The following COLGALT1 variants were observed in gnomAD, a reference collection of about 807,000 sequenced individuals.
COLGALT1 encodes the protein collagen beta(1-O)galactosyltransferase 1.
A neutral mutation model predicts 60.8 loss-of-function variants in COLGALT1; 43 were observed. The observed-to-expected ratio is 0.71, with a 90% CI of 0.55 to 0.91. The LOEUF (loss-of-function observed/expected upper bound fraction) is 0.91, where lower values mean the gene tolerates loss of function less well. Ranked by LOEUF, COLGALT1 falls within the 40% of genes least tolerant of loss-of-function variation. The pLI, the probability that COLGALT1 is intolerant of heterozygous loss-of-function variation, is 0.00. For missense variants in COLGALT1, 845 were observed against 880.0 expected (o/e 0.96, Z 0.50); for synonymous variants, 369 against 374.2 (o/e 0.99, Z 0.16).
At chr19:17,561,090 G>A (rs2076246493) in intron 3 of COLGALT1, among the ~76,000 whole-genome samples, 2 of 150,902 alleles carry the variant, frequency 1.3e-5, no homozygotes, top group East Asian at 2.0e-4. Flanking sequence ...CTGTAATCCC[G>A]GCTACCTGGG....
intron 1 of COLGALT1, chr19:17,556,422 G>A (rs776241311): frequency 1.9e-5 from 8 of 431,766 alleles, no homozygotes; most frequent in African/African-American, 4.3e-5. Flanking sequence ...AAGCCTTTCT[G>A]TGCCGGCTGC....
chr19:17,581,670 C>A lies in COLGALT1; in HGVS notation c.*226C>A. The A allele has an allele frequency of 6.6e-6, 4 of 607,090 alleles. No homozygotes were observed. Among genetic ancestry groups the A allele is most frequent in the Admixed American group, 3.0e-5 (1 of 33,122 alleles). The allele number at this position is 607,090 out of a possible 1,614,324, so 37.6% of individuals were successfully genotyped here. ...TTGGCCCTGGGGAATTGGGAGGAAC[C>A]AAGCCCTCTTCATCTGTTCATGTGC... On this transcript the variant is annotated 3_prime_UTR_variant, in exon 12 of 12. Coordinates refer to ENST00000252599, the MANE Select transcript of COLGALT1 (RefSeq NM_024656.4).
At chr19:17,578,136 C>A in intron 9 of COLGALT1, 47 bp downstream of exon 9, 1 of 1,499,394 alleles carries the variant, frequency 6.7e-7, no homozygotes, top group Non-Finnish European at 8.9e-7. Context: ...CTCTAGATCT[C>A]ATCGGAGATT....
chr19:17,579,450 T>C, intron 9 of COLGALT1, 32 bp from the exon 10 acceptor site: 1 of 1,614,026 alleles, frequency 6.2e-7, no homozygotes, highest in South Asian at 1.1e-5. Context: ...GGCCTTGGCC[T>C]CCCTGTGATG....
chr19:17,578,444 T>G (rs2076358276), intron 9 of COLGALT1, among the ~76,000 whole-genome samples: 1 of 152,152 alleles, frequency 6.6e-6, no homozygotes, highest in Non-Finnish European at 1.5e-5. Context: ...AGAGCCACTT[T>G]AAACCAGCAC....
At position 17,574,332 on chromosome 19, in the gene COLGALT1, C is replaced by CT. The variant is rs767455561; in HGVS notation, c.949+1745dup. ...CCCTGCCCTTTGTGTTTTGGGGAGACTTTTTTTTTTTTTTTGAGACGGTGT... is the reference window on the plus strand; with the variant it reads ...CCCTGCCCTTTGTGTTTTGGGGAGACTTTTTTTTTTTTTTTTGAGACGGTGT... On this transcript the variant is annotated intron_variant, in intron 6 of 11. Transcript: ENST00000252599. Among the ~76,000 whole-genome samples the CT allele has an allele frequency of 7.3e-3, 1,034 of 141,418 alleles. 9 individuals are homozygous for CT. Among genetic ancestry groups the CT allele is most frequent in the Admixed American group, 0.025 (351 of 14,044 alleles). 92.8% of individuals were successfully genotyped at this position (141,418 alleles called of 152,430 possible).
intron 4 of COLGALT1, among the ~76,000 whole-genome samples, chr19:17,567,818 A>G (rs1463403791): frequency 6.6e-6 from 1 of 151,828 alleles, no homozygotes; most frequent in African/African-American, 2.4e-5. Flanking sequence ...GTATGGTGGC[A>G]CATGCCTGTC....
At chr19:17,565,655 G>A (rs1378359787) in intron 3 of COLGALT1, among the ~76,000 whole-genome samples, 1 of 152,056 alleles carries the variant, frequency 6.6e-6, no homozygotes, top group African/African-American at 2.4e-5. Context: ...GGGTGACTGA[G>A]CAAGACTCTG....
Position 17,567,417 on chromosome 19 carries a change from G to A in COLGALT1, c.501G>A (p.Ala167=), listed in dbSNP as rs559328957. The A allele has an allele frequency of 4.6e-5, 75 of 1,613,666 alleles. No individual in the cohort carries two copies. In the Middle Eastern group the frequency reaches 6.6e-4, roughly 14 times the overall value. The change falls in exon 4 of 12, where the codon GCG becomes GCA. Residue 167 remains alanine (A), a synonymous_variant. Coordinates refer to ENST00000252599, the MANE Select transcript of COLGALT1 (RefSeq NM_024656.4). ...MWADYILFVD[A]DNLILNPDTL... ...GGGGTGTTCTGCAGTTTGTAGATGC[G>A]GACAACCTGATCCTCAACCCTGACA...
At chr19:17,580,524 C>G (rs752767284) in intron 10 of COLGALT1, 175 bp from the exon 11 acceptor site, 1 of 637,686 alleles carries the variant, frequency 1.6e-6, no homozygotes, top group Non-Finnish European at 2.7e-6. Context: ...TCTTCTCCCC[C>G]ATGACCGCCA....
At chr19:17,561,184 G>A (rs886889441) in intron 3 of COLGALT1, among the ~76,000 whole-genome samples, 56 of 151,444 alleles carry the variant, frequency 3.7e-4, no homozygotes, top group African/African-American at 1.2e-3. Context: ...CAGTCACTGG[G>A]CGACACAGTG....
chr19:17,579,163 G>A (rs561593014), intron 9 of COLGALT1, among the ~76,000 whole-genome samples: 5 of 148,194 alleles, frequency 3.4e-5, no homozygotes, highest in East Asian at 2.0e-4. Context: ...GCGAGACTCC[G>A]TCTCAAAAAA....
chr19:17,580,115 G>T (rs2076370578), intron 10 of COLGALT1: 2 of 188,858 alleles, frequency 1.1e-5, no homozygotes, highest in South Asian at 1.1e-4. Flanking sequence ...GAGCATGGGG[G>T]TGTGGTCAGA....
At chr19:17,580,678 A>G (rs1265590900) in intron 10 of COLGALT1, 21 bp from the exon 11 acceptor site, 2 of 1,612,920 alleles carry the variant, frequency 1.2e-6, no homozygotes, top group African/African-American at 2.7e-5. Context: ...GGAGAGTGAC[A>G]GGCCCGATCT....
chr19:17,576,785 C>CTTTGGGCTGCTGTGCAGGGTTCAAA (rs2076344121), intron 6 of COLGALT1, among the ~76,000 whole-genome samples: 2 of 120,956 alleles, frequency 1.7e-5, no homozygotes, highest in African/African-American at 3.3e-5. Context: ...GTGGCCAGGG[C>CTTTGGGCTGCTGTGCAGGGTTCAAA]TGAGTGGTGC....
intron 5 of COLGALT1, among the ~76,000 whole-genome samples, chr19:17,569,729 AC>A (rs1171407341): frequency 6.6e-6 from 1 of 151,316 alleles, no homozygotes; most frequent in South Asian, 2.1e-4. Flanking sequence ...GAGCCACTGC[AC>A]CTGGGCCATT....
At chr19:17,566,838 G>T (rs2076282072) in intron 3 of COLGALT1, among the ~76,000 whole-genome samples, 1 of 152,086 alleles carries the variant, frequency 6.6e-6, no homozygotes, top group African/African-American at 2.4e-5. Flanking sequence ...AGTAGGCCAG[G>T]CATGGTGGCT....
chr19:17,557,322 G>A (rs1291391401), intron 1 of COLGALT1, among the ~76,000 whole-genome samples: 1 of 152,022 alleles, frequency 6.6e-6, no homozygotes, highest in Non-Finnish European at 1.5e-5. Flanking sequence ...TTTTCTCTCA[G>A]ACGGAATCTT....
intron 3 of COLGALT1, among the ~76,000 whole-genome samples, chr19:17,561,642 A>C (rs2076250144): frequency 2.0e-5 from 3 of 151,274 alleles, no homozygotes; most frequent in Admixed American, 2.0e-4. Flanking sequence ...AAAAAAAAAA[A>C]AAAAAAAAAA....
Sources: allele counts gnomAD v4.1 joint callset (sites outside exome capture counted in the v4.1 genomes callset), GRCh38; gene constraint gnomAD v4.1.1; transcripts MANE v1.5; gene names NCBI Gene and HGNC (gene_info 2026-07-23, HGNC 2026-07-21).